Variants in TMEM233 observed in about 807,000 individuals in gnomAD.
TMEM233 encodes dispanin subfamily B member 2.
TMEM233 carries 6 observed loss-of-function variants against 11.2 expected under a neutral mutation model. That is an observed-to-expected ratio of 0.54 (90% CI 0.29 to 1.06). TMEM233 has a LOEUF of 1.06. TMEM233 is among the 50% of genes least tolerant of loss of function. The pLI is 0.08. For synonymous variants in TMEM233, 59 were observed against 55.8 expected (o/e 1.06, Z -0.26); for missense variants, 127 against 144.7 (o/e 0.88, Z 0.63).
chr12:119,618,301 C>T (rs1954575935), intron 1 of TMEM233, among the ~76,000 whole-genome samples: 1 of 152,230 alleles, frequency 6.6e-6, no homozygotes. Flanking sequence ...CATGGAAAAC[C>T]TCTGCTAGGG....
chr12:119,625,701 C>T (rs899614584), intron 1 of TMEM233, among the ~76,000 whole-genome samples: 2 of 152,104 alleles, frequency 1.3e-5, no homozygotes, highest in Admixed American at 1.3e-4. Context: ...TATATAATCA[C>T]CAAACTGCAT....
intron 2 of TMEM233, among the ~76,000 whole-genome samples, chr12:119,633,080 TC>T (rs1954916848): frequency 1.3e-5 from 2 of 152,168 alleles, no homozygotes; most frequent in Admixed American, 1.3e-4. Flanking sequence ...CTTTGATCCT[TC>T]TTCCTAAAAG....
chr12:119,615,197 A>C (rs903991889), intron 1 of TMEM233, among the ~76,000 whole-genome samples: 1 of 149,188 alleles, frequency 6.7e-6, no homozygotes, highest in African/African-American at 2.5e-5. Context: ...AAAAAAAAAA[A>C]AAAAAAAAAC....
chr12:119,625,898 C>T (rs1954746104), intron 1 of TMEM233, among the ~76,000 whole-genome samples: 1 of 152,100 alleles, frequency 6.6e-6, no homozygotes, highest in Non-Finnish European at 1.5e-5. Flanking sequence ...ATTTACTCTA[C>T]ACTCGAATTT....
chr12:119,623,380 T>C (rs186769592), intron 1 of TMEM233, among the ~76,000 whole-genome samples: 57 of 152,184 alleles, frequency 3.7e-4, no homozygotes, highest in African/African-American at 1.3e-3. Flanking sequence ...AATTCTAAAC[T>C]GGATTATGAG....
At chr12:119,626,564 G>A (rs1484661734) in intron 1 of TMEM233, among the ~76,000 whole-genome samples, 1 of 142,390 alleles carries the variant, frequency 7.0e-6, no homozygotes, top group Non-Finnish European at 1.5e-5. Flanking sequence ...GAGAAGAGAA[G>A]AGAAGAGAAG....
chr12:119,645,978 G>C (rs749960794), downstream of TMEM233, among the ~76,000 whole-genome samples: 13 of 152,148 alleles, frequency 8.5e-5, no homozygotes, highest in Non-Finnish European at 1.5e-4. Context: ...CCCCAAGAAA[G>C]AGGACCTAAA....
In TMEM233 at chr12:119,640,769, A is replaced by T; in HGVS notation, c.*64A>T. The T allele has an allele frequency of 1.9e-6, 3 of 1,541,004 alleles. No homozygotes were observed. The highest frequency in any genetic ancestry group is 2.6e-6 in the Non-Finnish European group (3 of 1,139,728). On this transcript the variant is annotated 3_prime_UTR_variant, in exon 3 of 3. Transcript: ENST00000426426. ...ACCTCATCCACACACACCCCAAAGG[A>T]GTTTCTAAGGAATGGATCCTTGACT...
rs2136659039 is a variant in TMEM233, at chr12:119,594,870, C to T, written c.186+836C>T. On this transcript the variant is annotated intron_variant, in intron 1 of 2. Transcript: ENST00000426426. The surrounding 1 kb of genome is among the most constrained non-coding windows in gnomAD (Gnocchi z 5.6). ...CGTCGTAGTTCCTCCCCGTTTGCTG[C>T]GCACTGGCCCTAACCTCTCTTCTCT... Among the ~76,000 whole-genome samples the T allele has an allele frequency of 6.6e-6, 1 of 152,266 alleles. No homozygotes were observed. The highest frequency in any genetic ancestry group is 1.5e-5 in the Non-Finnish European group (1 of 68,010).
intron 1 of TMEM233, among the ~76,000 whole-genome samples, chr12:119,596,193 C>G (rs1038189219): frequency 3.9e-5 from 6 of 152,148 alleles, no homozygotes; most frequent in South Asian, 2.1e-4. Context: ...CAGGCAGCAG[C>G]AGACTGTCTG....
At chr12:119,626,516 A>AGGAG (rs1566109060) in intron 1 of TMEM233, among the ~76,000 whole-genome samples, 1,570 of 83,716 alleles carry the variant, frequency 0.019, 39 homozygotes, top group Middle Eastern at 0.048. Flanking sequence ...GAGGAGGAGG[A>AGGAG]GGAGAAGGGA....
At chr12:119,605,579 C>T (rs1954263897) in intron 1 of TMEM233, among the ~76,000 whole-genome samples, 1 of 151,966 alleles carries the variant, frequency 6.6e-6, no homozygotes, top group Non-Finnish European at 1.5e-5. Flanking sequence ...TAGGCACGCA[C>T]CACCATGCCC....
chr12:119,637,291 C>A (rs1954984641), intron 2 of TMEM233, among the ~76,000 whole-genome samples: 1 of 152,134 alleles, frequency 6.6e-6, no homozygotes, highest in African/African-American at 2.4e-5. Context: ...TGCTTGCTTG[C>A]CATTCTTAAC....
chr12:119,615,631 C>T (rs1954512197), intron 1 of TMEM233, among the ~76,000 whole-genome samples: 2 of 152,154 alleles, frequency 1.3e-5, no homozygotes. Context: ...CATCTCCGGT[C>T]TTCACTGGCA....
chr12:119,625,887 C>G (rs1349612890), intron 1 of TMEM233, among the ~76,000 whole-genome samples: 1 of 152,088 alleles, frequency 6.6e-6, no homozygotes, highest in African/African-American at 2.4e-5. Context: ...TATTATCTAA[C>G]ATTTACTCTA....
intron 1 of TMEM233, among the ~76,000 whole-genome samples, chr12:119,611,391 T>C (rs1226855272): frequency 6.6e-6 from 1 of 152,166 alleles, no homozygotes; most frequent in African/African-American, 2.4e-5. Context: ...TGGTATATTT[T>C]TGAGGTTTTG....
intron 1 of TMEM233, among the ~76,000 whole-genome samples, chr12:119,617,026 G>A (rs113236821): frequency 0.044 from 6,770 of 152,224 alleles, 212 homozygotes; most frequent in Middle Eastern, 0.068. Flanking sequence ...TATTAACAGC[G>A]TGAGAACAGA....
intron 1 of TMEM233, among the ~76,000 whole-genome samples, chr12:119,603,519 C>T (rs1299638907): frequency 6.6e-6 from 1 of 152,204 alleles, no homozygotes; most frequent in African/African-American, 2.4e-5. Context: ...CCAGGTAGGA[C>T]TCACATCCTA....
downstream of TMEM233, among the ~76,000 whole-genome samples, chr12:119,645,608 G>A (rs563355132): frequency 6.6e-6 from 1 of 152,276 alleles, no homozygotes; most frequent in East Asian, 1.9e-4. Context: ...TTTATCAGGG[G>A]TCAGGAGAGG....
Sources: gnomAD v4.1 joint callset for allele counts (sites outside exome capture counted in the v4.1 genomes callset) on GRCh38, gnomAD v4.1.1 for gene constraint, Gnocchi (gnomAD v3.1) non-coding constraint, MANE v1.5 for transcripts, NCBI Gene and HGNC (gene_info 2026-07-23, HGNC 2026-07-21) for gene names.